The following CPLANE1 variants were observed in gnomAD, a reference collection of about 807,000 sequenced individuals.
CPLANE1 encodes ciliogenesis and planar polarity effector 1.
A neutral mutation model predicts 362.5 loss-of-function variants in CPLANE1; 263 were observed. The observed-to-expected ratio is 0.73, with a 90% CI of 0.66 to 0.80. The LOEUF is 0.80. CPLANE1 is among the 30% of genes least tolerant of loss of function. CPLANE1 has a pLI of 0.00. For synonymous variants in CPLANE1, 1,212 were observed against 1,302.6 expected, an observed-to-expected ratio of 0.93 and a Z score of 1.50; for missense variants, 3,461 against 3,793.4, an observed-to-expected ratio of 0.91 and a Z score of 2.30.
intron 15 of CPLANE1, among the ~76,000 whole-genome samples, chr5:37,217,594 G>A (rs769883634): frequency 6.7e-6 from 1 of 149,348 alleles, no homozygotes; most frequent in African/African-American, 2.6e-5. Flanking sequence ...GCGACAGAGC[G>A]AGACACCATC....
chr5:37,210,304 A>G (rs1379940540), intron 16 of CPLANE1: 6 of 1,495,460 alleles, frequency 4.0e-6, no homozygotes, highest in Admixed American at 1.7e-5. Flanking sequence ...GAACTGAACC[A>G]GAAGCTCCAG....
downstream of CPLANE1, among the ~76,000 whole-genome samples, chr5:37,105,290 A>T (rs1423843222): frequency 6.6e-6 from 1 of 152,162 alleles, no homozygotes; most frequent in Non-Finnish European, 1.5e-5. Flanking sequence ...ACAAAGTGAG[A>T]TCCTGTCTCA....
chr5:37,097,127 T>C, the CPLANE1 span, among the ~76,000 whole-genome samples: 3,249 of 152,074 alleles, frequency 0.021, 130 homozygotes, highest in African/African-American at 0.075. Context: ...GATGGAAGAA[T>C]CACTTGAGGC....
Position 37,230,985 on chromosome 5 carries a change from G to A in CPLANE1, c.1003C>T (p.Arg335Cys), listed in dbSNP as rs1315296922. The change falls in exon 9 of 53, where the codon CGT becomes TGT. Residue 335 changes from arginine (R) to cysteine (C), a missense_variant. Coordinates refer to ENST00000651892, the MANE Select transcript of CPLANE1 (RefSeq NM_001384732.1). The stretch of plus-strand genomic sequence containing the variant: ...CAGGTCAATAAAACCAGAGAGCCAC[G>A]TTTTAACATACAAGCCAGAAAAAGA... ...DSLFLACMLK[R>C]GSLVLLTCQG... The A allele has an allele frequency of 3.2e-6, 5 of 1,551,228 alleles. No individual in the cohort carries two copies. In the East Asian group the frequency reaches 7.3e-5, roughly 23 times the overall value.
downstream of CPLANE1, among the ~76,000 whole-genome samples, chr5:37,101,400 A>G (rs1055744632): frequency 4.1e-4 from 63 of 152,342 alleles, no homozygotes; most frequent in African/African-American, 1.5e-3. Context: ...GATGAATTAC[A>G]TTTATTGATT....
rs369099937 is a variant in CPLANE1 at position 37,144,243 on chromosome 5, A to G, written c.8462-1763T>C. ...GTTAACACGGTGAAAACCCGTCTCT[A>G]CTAAAAATACAAAAAATTAGCCCAG... On this transcript the variant is annotated intron_variant, in intron 43 of 52. Coordinates refer to ENST00000651892, the MANE Select transcript of CPLANE1 (RefSeq NM_001384732.1). 2.0e-5 allele frequency among the ~76,000 whole-genome samples: 3 copies of G among 151,722 alleles called. No homozygotes were observed. In the East Asian group the frequency reaches 5.9e-4, roughly 30 times the overall value.
intron 32 of CPLANE1, among the ~76,000 whole-genome samples, chr5:37,171,749 TC>T (rs1779852303): frequency 2.3e-5 from 2 of 86,938 alleles, no homozygotes; most frequent in African/African-American, 2.8e-4. Flanking sequence ...TAGCTTACTC[TC>T]TCTCTCTCTC....
Position 37,169,371 on chromosome 5 carries a change from G to A in CPLANE1, c.6653C>T (p.Thr2218Ile). 1 of 1,614,188 alleles carries A rather than the reference G, an allele frequency of 6.2e-7. No individual in the cohort carries two copies. Among genetic ancestry groups the A allele is most frequent in the South Asian group, 1.1e-5 (1 of 91,086 alleles). ...KAPRLIPHAK[T>I]FSPGDGFPLL... ...AGGAAAGCCATCACCAGGACTAAAT[G>A]TTTTTGCATGTGGGATAAGTCTAGG... Residue 2218 changes from threonine to isoleucine, a missense_variant, in exon 34 of 53, where the codon ACA becomes ATA. By Grantham distance (89) the Thr-to-Ile change is moderately conservative (BLOSUM62 -1). This residue lies in a region of CPLANE1 where 3,380 missense variants were observed against 3,666.1 expected (regional missense o/e 0.92). Transcript: ENST00000651892.
In CPLANE1 at chr5:37,173,756, T is replaced by C; in HGVS notation, c.6170A>G (p.Gln2057Arg). 6.2e-7 allele frequency: 1 copy of C among 1,613,398 alleles called. No individual in the cohort carries two copies. Among genetic ancestry groups the C allele is most frequent in the Non-Finnish European group, 8.5e-7 (1 of 1,179,360 alleles). ...TTACTTATATAGAGATGTGCTTACC[T>C]GAACTAATTTAAACATTTCATCTTG... is the stretch of plus-strand genomic sequence containing the variant. ...MLQDEMFKLV[Q>R]LQQINFMSLM... Residue 2057 changes from glutamine (Q) to arginine (R), a missense_variant and splice_region_variant, in exon 32 of 53, where the codon CAG becomes CGG. Gln to Arg is a conservative substitution (Grantham distance 43). Transcript: ENST00000651892.
the CPLANE1 span, among the ~76,000 whole-genome samples, chr5:37,096,571 T>C: frequency 5.3e-4 from 80 of 152,206 alleles, no homozygotes; most frequent in Non-Finnish European, 9.0e-4. Context: ...TTAATTAAAC[T>C]GAAGAGCTTT....
chr5:37,220,767 C>T (rs760314915), intron 15 of CPLANE1, among the ~76,000 whole-genome samples: 57 of 152,232 alleles, frequency 3.7e-4, no homozygotes, highest in Admixed American at 9.2e-4. Context: ...GATCCACCTG[C>T]CTTGGCCTCC....
At chr5:37,112,961 A>G (rs1759780891) in intron 51 of CPLANE1, among the ~76,000 whole-genome samples, 1 of 152,220 alleles carries the variant, frequency 6.6e-6, no homozygotes, top group Admixed American at 6.5e-5. Flanking sequence ...ATGTAATTTC[A>G]ACTGTTTTTA....
intron 49 of CPLANE1, among the ~76,000 whole-genome samples, chr5:37,120,950 T>C (rs1008485604): frequency 3.3e-5 from 5 of 152,234 alleles, no homozygotes; most frequent in African/African-American, 9.6e-5. Context: ...ATTCTAATAA[T>C]TTATTTTGTC....
intron 51 of CPLANE1, among the ~76,000 whole-genome samples, chr5:37,112,342 A>C (rs989415765): frequency 6.6e-6 from 1 of 152,166 alleles, no homozygotes; most frequent in African/African-American, 2.4e-5. Context: ...CCTTCCTTTC[A>C]GATCATAATG....
chr5:37,195,704 T>C (rs1787203005), intron 21 of CPLANE1, among the ~76,000 whole-genome samples, 154 bp downstream of exon 21: 2 of 152,254 alleles, frequency 1.3e-5, no homozygotes, highest in Non-Finnish European at 1.5e-5. Context: ...ATATATCATA[T>C]ATATATACAT....
At position 37,180,041 on chromosome 5, in the gene CPLANE1, C is replaced by T; in HGVS notation, c.5713G>A (p.Asp1905Asn). 6.4e-7 allele frequency: 1 copy of T among 1,568,732 alleles called. No homozygotes were observed. The highest frequency in any genetic ancestry group is 8.6e-7 in the Non-Finnish European group (1 of 1,158,936). Residue 1905 changes from aspartate (D) to asparagine (N), a missense_variant, in exon 28 of 53, where the codon GAT (aspartate) becomes AAT (asparagine). Asp to Asn is a conservative substitution (Grantham distance 23). Transcript: ENST00000651892. ...EVEAFTEEEM[D>N]MHISDYEEDI... ...CCTTCATAGTCTGATATGTGCATATCCATTTCCTCTTCTGTAAATGCTTCT... is the reference window on the plus strand; with the variant it reads ...CCTTCATAGTCTGATATGTGCATATTCATTTCCTCTTCTGTAAATGCTTCT...
At chr5:37,080,047 T>A in the CPLANE1 span, among the ~76,000 whole-genome samples, 2 of 152,244 alleles carry the variant, frequency 1.3e-5, no homozygotes, top group African/African-American at 4.8e-5. Context: ...GTCTTGAAGA[T>A]GAGCGGATAT....
At chr5:37,179,904 C>T (rs1363201278) in intron 28 of CPLANE1, 113 bp downstream of exon 28, 1 of 559,946 alleles carries the variant, frequency 1.8e-6, no homozygotes, top group Non-Finnish European at 3.0e-6. Flanking sequence ...TTATTTTAGG[C>T]TACTGTAAAC....
Position 37,170,064 on chromosome 5 carries a change from G to T in CPLANE1, c.6439C>A (p.Gln2147Lys), listed in dbSNP as rs2150951292. 1 of 1,613,914 alleles carries T rather than the reference G, an allele frequency of 6.2e-7. No individual in the cohort carries two copies. Among genetic ancestry groups the T allele is most frequent in the South Asian group, 1.1e-5 (1 of 91,010 alleles). ...HCHEGTIPSG[Q>K]NSTGNVQNVP... The stretch of plus-strand genomic sequence containing the variant: ...ACCTGTACGTTTCCAGTACTATTTT[G>T]ACCAGATGGGATAGTTCCTTCATGG... Residue 2147 changes from glutamine to lysine, a missense_variant, in exon 33 of 53, where the codon CAA (glutamine) becomes AAA (lysine). This residue lies in a region of CPLANE1 where 3,380 missense variants were observed against 3,666.1 expected (regional missense o/e 0.92). Coordinates refer to ENST00000651892, the MANE Select transcript of CPLANE1 (RefSeq NM_001384732.1).
Sources: allele counts gnomAD v4.1 joint callset (sites outside exome capture counted in the v4.1 genomes callset), GRCh38; gene constraint gnomAD v4.1.1; regional missense constraint gnomAD v4.1.1; transcripts MANE v1.5; gene names NCBI Gene and HGNC (gene_info 2026-07-23, HGNC 2026-07-21).